Variants in IL2RB observed in about 807,000 individuals in gnomAD.
IL2RB encodes interleukin 2 receptor subunit beta, also known as interleukin-2 receptor subunit beta.
IL2RB carries 17 observed loss-of-function variants against 44.2 expected under a neutral mutation model. That is an observed-to-expected ratio of 0.38 (90% CI 0.26 to 0.58). The LOEUF (loss-of-function observed/expected upper bound fraction) is 0.58. Among genes scored for constraint, IL2RB ranks in the 20% least tolerant of loss-of-function variants. The pLI is 0.63. For synonymous variants in IL2RB, 286 were observed against 297.9 expected (o/e 0.96, Z 0.41); for missense variants, 624 against 685.5 (o/e 0.91, Z 1.00).
chr22:37,166,831 G>C (rs1241793242), intron 1 of IL2RB: 1 of 152,240 alleles, frequency 6.6e-6, no homozygotes, highest in Non-Finnish European at 1.5e-5. Context: ...GTGCCCACAG[G>C]ACAAGCAGGG....
rs1390720517 is a variant in IL2RB at position 37,126,125 on chromosome 22, T to C, written c.*1971A>G. On this transcript the variant is annotated 3_prime_UTR_variant, in exon 10 of 10. Coordinates refer to ENST00000216223, the MANE Select transcript of IL2RB (RefSeq NM_000878.5). ...GTGGAGAAGGCAAATACAATTTCCA[T>C]TTGGGGGGATAAGGAGACCGACTTG... The C allele has an allele frequency of 1.3e-5, 2 of 152,168 alleles. No individual in the cohort carries two copies. The highest frequency in any genetic ancestry group is 3.9e-4 in the East Asian group (2 of 5,174). 9.4% of individuals were successfully genotyped at this position (152,168 alleles called of 1,614,324 possible).
In IL2RB at chr22:37,128,827, G is replaced by T; in HGVS notation, c.925C>A (p.Pro309Thr). The change falls in exon 10 of 10, where the codon CCC becomes ACC. Residue 309 changes from proline to threonine, a missense_variant. Physicochemically the swap from Pro to Thr is conservative, Grantham distance 38. Around this residue, in one of 3 missense-constraint regions of IL2RB, gnomAD observed 255 missense variants for 339.9 expected, o/e 0.75. Transcript: ENST00000216223. The surrounding 1 kb of genome is among the most constrained non-coding windows in gnomAD (Gnocchi z 4.5). Reference sequence around the variant, plus strand: ...CCGCCAGGGCTGAAGGACGATGAGGGGAAGGGCGAAGAGAGCCACTTCTGG... The same window carrying T: ...CCGCCAGGGCTGAAGGACGATGAGGTGAAGGGCGAAGAGAGCCACTTCTGG... ...DVQKWLSSPFPSSSFSPGGLA... is the reference protein window; with the variant it reads ...DVQKWLSSPFTSSSFSPGGLA... 6.8e-6 allele frequency: 11 copies of T among 1,608,870 alleles called. No individual in the cohort carries two copies. Among genetic ancestry groups the T allele is most frequent in the Non-Finnish European group, 9.4e-6 (11 of 1,175,908 alleles).
chr22:37,133,740 G>A (rs1007925951), intron 8 of IL2RB, among the ~76,000 whole-genome samples: 4 of 152,166 alleles, frequency 2.6e-5, no homozygotes, highest in Non-Finnish European at 4.4e-5. Context: ...CTCGGCACAC[G>A]GCCCAGGTCC....
At chr22:37,146,481 C>A (rs1428863706) in intron 1 of IL2RB, among the ~76,000 whole-genome samples, 2 of 152,224 alleles carry the variant, frequency 1.3e-5, no homozygotes, top group Non-Finnish European at 2.9e-5. Flanking sequence ...CTCCAGGTGA[C>A]CAGGAAACCG....
intron 1 of IL2RB, chr22:37,161,760 A>G (rs1288734062): frequency 6.6e-6 from 1 of 152,126 alleles, no homozygotes. Flanking sequence ...TCCAGACCAC[A>G]GGCTGGGAAT....
chr22:37,144,299 A>G (rs1922124134), intron 1 of IL2RB, 94 bp from the exon 2 acceptor site: 1 of 1,440,520 alleles, frequency 6.9e-7, no homozygotes. Flanking sequence ...CTCAGTGTGC[A>G]TGGTCTGCAC....
chr22:37,148,963 C>T (rs1018303303), intron 1 of IL2RB, among the ~76,000 whole-genome samples: 2 of 152,122 alleles, frequency 1.3e-5, no homozygotes, highest in Non-Finnish European at 2.9e-5. Context: ...CACCTGCCAC[C>T]CCCCTGCTCC....
At chr22:37,164,316 G>A (rs376596644) in intron 1 of IL2RB, among the ~76,000 whole-genome samples, 1 of 152,096 alleles carries the variant, frequency 6.6e-6, no homozygotes, top group Admixed American at 6.5e-5. Context: ...GTCAGAGGAG[G>A]GGAGCAGAGT....
At chr22:37,147,153 T>A (rs1305612328) in intron 1 of IL2RB, among the ~76,000 whole-genome samples, 2 of 152,220 alleles carry the variant, frequency 1.3e-5, no homozygotes, top group Non-Finnish European at 2.9e-5. Context: ...AACCATCGGC[T>A]GACAGGTTAC....
At chr22:37,151,436 G>A (rs1446605915), upstream of IL2RB, among the ~76,000 whole-genome samples, 2 of 152,190 alleles carry the variant, frequency 1.3e-5, no homozygotes, top group South Asian at 2.1e-4. Context: ...CCATAAAGAT[G>A]TTTGAGCTCC....
At chr22:37,142,334 G>A in intron 4 of IL2RB, 100 bp downstream of exon 4, 2 of 1,093,970 alleles carry the variant, frequency 1.8e-6, no homozygotes, top group Admixed American at 1.8e-5. Context: ...CAGCCATTGG[G>A]CCTCAGCTCT....
In IL2RB at chr22:37,166,308, C is replaced by T. The variant is rs553092419; in HGVS notation, c.-34+8650G>A. Among the ~76,000 whole-genome samples the T allele has an allele frequency of 7.2e-5, 11 of 152,358 alleles. No homozygotes were observed. In the East Asian group the frequency reaches 2.1e-3, roughly 29 times the overall value. On this transcript the variant is annotated intron_variant, in intron 1 of 5. Coordinates refer to the IL2RB transcript ENST00000429622. ...GCCGAGAGGAAGCCCAAAACTGGCACATCCACACACACAGCCACACGCCCC... is the reference window on the plus strand; with the variant it reads ...GCCGAGAGGAAGCCCAAAACTGGCATATCCACACACACAGCCACACGCCCC...
intron 7 of IL2RB, 128 bp downstream of exon 7, chr22:37,136,100 G>T: frequency 9.7e-7 from 1 of 1,029,816 alleles, no homozygotes; most frequent in East Asian, 2.6e-5. Flanking sequence ...CCCCTGCAGG[G>T]TTACAGCAAG....
intron 9 of IL2RB, among the ~76,000 whole-genome samples, chr22:37,130,959 G>T (rs1183623545): frequency 6.6e-6 from 1 of 152,240 alleles, no homozygotes; most frequent in African/African-American, 2.4e-5. Context: ...CTGAGATCAG[G>T]AGTTCAAGAC....
intron 1 of IL2RB, among the ~76,000 whole-genome samples, chr22:37,162,315 C>T (rs900092832): frequency 6.6e-5 from 10 of 152,082 alleles, no homozygotes; most frequent in African/African-American, 2.2e-4. Flanking sequence ...AAGGACAGTA[C>T]GGGAGGTCTT....
chr22:37,145,748 G>A (rs1270625888), intron 1 of IL2RB, among the ~76,000 whole-genome samples: 1 of 151,980 alleles, frequency 6.6e-6, no homozygotes, highest in African/African-American at 2.4e-5. Context: ...GAGCAGGTGA[G>A]TCAAGAGATG....
chr22:37,148,626 G>GCT (rs895548805), intron 1 of IL2RB, among the ~76,000 whole-genome samples: 5 of 152,108 alleles, frequency 3.3e-5, no homozygotes, highest in African/African-American at 9.7e-5. Flanking sequence ...ACTGGTGCCT[G>GCT]CTCTCTCTCT....
intron 1 of IL2RB, among the ~76,000 whole-genome samples, chr22:37,170,248 T>G (rs1923234669): frequency 6.6e-6 from 1 of 152,128 alleles, no homozygotes; most frequent in Admixed American, 6.5e-5. Context: ...CCAAAGCAGC[T>G]GCAGGAAGTT....
Position 37,136,371 on chromosome 22 carries a change from T to C in IL2RB, c.560A>G (p.Lys187Arg). Reference protein sequence around the residue: ...TWEEAPLLTLKQKQEWICLET... With the variant: ...TWEEAPLLTLRQKQEWICLET... ...CAGGCAGATCCATTCCTGCTTCTGCTTGAGAGTCAGCAGGGGGGCCTCCTG... is the reference window on the plus strand; with the variant it reads ...CAGGCAGATCCATTCCTGCTTCTGCCTGAGAGTCAGCAGGGGGGCCTCCTG... Residue 187 changes from lysine to arginine, a missense_variant, in exon 7 of 10, where the codon AAG becomes AGG. Physicochemically the swap from Lys to Arg is conservative, Grantham distance 26. Coordinates refer to ENST00000216223, the MANE Select transcript of IL2RB (RefSeq NM_000878.5). 1 of 1,611,424 alleles carries C rather than the reference T, an allele frequency of 6.2e-7. No individual in the cohort carries two copies.
Sources: allele counts gnomAD v4.1 joint callset (sites outside exome capture counted in the v4.1 genomes callset), GRCh38; gene constraint gnomAD v4.1.1; regional missense constraint gnomAD v4.1.1; non-coding constraint Gnocchi (gnomAD v3.1); transcripts MANE v1.5; gene names NCBI Gene and HGNC (gene_info 2026-07-23, HGNC 2026-07-21).